The following ZMIZ1 variants were observed in gnomAD, a reference collection of about 807,000 sequenced individuals.
ZMIZ1 encodes zinc finger MIZ domain-containing protein 1.
ZMIZ1 carries 17 observed loss-of-function variants against 113.9 expected under a neutral mutation model. The observed-to-expected ratio is 0.15, with a 90% CI of 0.10 to 0.22. The LOEUF is 0.22. Among genes scored for constraint, ZMIZ1 ranks in the 10% least tolerant of loss-of-function variants. ZMIZ1 has a pLI of 1.00. For missense variants in ZMIZ1, 1,059 were observed against 1,477.8 expected, an observed-to-expected ratio of 0.72 and a Z score of 4.65; for synonymous variants, 607 against 603.1, an observed-to-expected ratio of 1.01 and a Z score of -0.09.
At chr10:79,116,656 G>C (rs1274967631) in intron 1 of ZMIZ1, among the ~76,000 whole-genome samples, 1 of 152,170 alleles carries the variant, frequency 6.6e-6, no homozygotes, top group South Asian at 2.1e-4. Context: ...GGAAAGCCAC[G>C]GAAAGATTTG....
chr10:79,216,561 C>G (rs1198945825), intron 7 of ZMIZ1, among the ~76,000 whole-genome samples: 1 of 152,172 alleles, frequency 6.6e-6, no homozygotes, highest in Non-Finnish European at 1.5e-5. Context: ...GCAGGACCAG[C>G]ATCAGCTCAC....
chr10:79,084,925 C>T (rs114331387), intron 1 of ZMIZ1, among the ~76,000 whole-genome samples: 103 of 152,184 alleles, frequency 6.8e-4, no homozygotes, highest in African/African-American at 2.2e-3. Context: ...TAATCCAGGC[C>T]GGCTCACTCT....
chr10:79,286,738 A>C lies in ZMIZ1; in HGVS notation c.426-3037A>C, dbSNP rs74568524. On this transcript the variant is annotated intron_variant, in intron 8 of 24. Coordinates refer to ENST00000334512, the MANE Select transcript of ZMIZ1 (RefSeq NM_020338.4). ...CAGGAAGGAGCTGGTTTCCGCCCAC[A>C]AGGCTCACCCACGGAGCTGCAGGGC... 1.4e-3 allele frequency among the ~76,000 whole-genome samples: 210 copies of C among 152,352 alleles called. 2 individuals carry two copies. In the East Asian group the frequency reaches 0.034, roughly 24 times the overall value.
chr10:79,212,221 G>T (rs1016650075), intron 6 of ZMIZ1, among the ~76,000 whole-genome samples: 1 of 151,816 alleles, frequency 6.6e-6, no homozygotes, highest in Non-Finnish European at 1.5e-5. Flanking sequence ...GCAGTGGCAC[G>T]ATCATTGCTC....
intron 22 of ZMIZ1, 126 bp downstream of exon 22, chr10:79,306,470 T>A (rs913788774): frequency 1.4e-6 from 2 of 1,455,566 alleles, no homozygotes; most frequent in Non-Finnish European, 1.8e-6. Context: ...AAGTAACACA[T>A]CCCCCAAAAA....
intron 1 of ZMIZ1, among the ~76,000 whole-genome samples, chr10:79,117,057 C>T (rs544113842): frequency 1.3e-4 from 20 of 152,366 alleles, no homozygotes; most frequent in South Asian, 4.1e-4. Context: ...CTCAGTCACA[C>T]GGGCAGTGGG....
intron 11 of ZMIZ1, 21 bp downstream of exon 11, chr10:79,292,377 T>C: frequency 6.3e-7 from 1 of 1,591,012 alleles, no homozygotes; most frequent in African/African-American, 1.3e-5. Flanking sequence ...CCACTAATCC[T>C]GGTCCAGCCT....
At chr10:79,185,895 G>C (rs1305298473) in intron 4 of ZMIZ1, among the ~76,000 whole-genome samples, 2 of 152,112 alleles carry the variant, frequency 1.3e-5, no homozygotes, top group Admixed American at 1.3e-4. Flanking sequence ...TCTGCTCCCT[G>C]TACAGGGAGG....
At chr10:79,309,428 G>A (rs1459685464) in intron 23 of ZMIZ1, among the ~76,000 whole-genome samples, 1 of 152,202 alleles carries the variant, frequency 6.6e-6, no homozygotes, top group Non-Finnish European at 1.5e-5. Context: ...CCCTAAGCTG[G>A]CCTCTCACTG....
In ZMIZ1 at chr10:79,269,456, A is replaced by AACACACACACACACACACACACAC. The variant is rs55634343; in HGVS notation, c.281-7714_281-7691dup. 1.6e-3 allele frequency among the ~76,000 whole-genome samples: 217 copies of AACACACACACACACACACACACAC among 138,556 alleles called. 1 individual carries two copies. The highest frequency in any genetic ancestry group is 2.5e-3 in the African/African-American group (95 of 37,494). The allele number at this position is 138,556 out of a possible 152,430, so 90.9% of individuals were successfully genotyped here. On this transcript the variant is annotated intron_variant, in intron 7 of 24. Coordinates refer to ENST00000334512, the MANE Select transcript of ZMIZ1 (RefSeq NM_020338.4). ...AGCACCCCTCCCAACACCTCCCCCC[A>AACACACACACACACACACACACAC]ACACACACACACACACACACACACA...
intron 1 of ZMIZ1, among the ~76,000 whole-genome samples, chr10:79,088,012 C>T (rs1379714695): frequency 2.0e-5 from 3 of 152,362 alleles, no homozygotes; most frequent in East Asian, 1.9e-4. Flanking sequence ...CATTCCAGTG[C>T]GCTCCCTGCA....
chr10:79,261,368 G>C (rs1851257849), intron 7 of ZMIZ1, among the ~76,000 whole-genome samples: 1 of 152,212 alleles, frequency 6.6e-6, no homozygotes, highest in African/African-American at 2.4e-5. Context: ...AGAAGGCAGA[G>C]AGCTGTTTTC....
chr10:79,072,086 T>G (rs1267266850), intron 1 of ZMIZ1, among the ~76,000 whole-genome samples: 1 of 152,124 alleles, frequency 6.6e-6, no homozygotes, highest in Non-Finnish European at 1.5e-5. Context: ...GCTGGACTTA[T>G]GAATAAATAG....
At chr10:79,159,949 G>A (rs754736525) in intron 3 of ZMIZ1, among the ~76,000 whole-genome samples, 249 of 152,328 alleles carry the variant, frequency 1.6e-3, no homozygotes, top group Non-Finnish European at 2.6e-3. Context: ...ATGGCCCGAC[G>A]CCGTTTCTCC....
intron 7 of ZMIZ1, among the ~76,000 whole-genome samples, chr10:79,229,793 C>T (rs1221550941): frequency 6.6e-6 from 1 of 151,996 alleles, no homozygotes; most frequent in East Asian, 1.9e-4. Context: ...AACACAGAAC[C>T]ACACTGTGGG....
At chr10:79,104,950 G>GGGGGGGTGTGTGTGTGT (rs1190362797) in intron 1 of ZMIZ1, among the ~76,000 whole-genome samples, 3 of 140,092 alleles carry the variant, frequency 2.1e-5, no homozygotes, top group African/African-American at 8.0e-5. Flanking sequence ...GTTGTTGTGG[G>GGGGGGGTGTGTGTGTGT]GTGTGTGTGT....
rs915133905 is a variant in ZMIZ1, at chr10:79,302,006, G to A, written c.2020-101G>A. 111 of 1,206,376 alleles carry A rather than the reference G, an allele frequency of 9.2e-5. 1 individual carries two copies. The highest frequency in any genetic ancestry group is 6.1e-4 in the South Asian group (48 of 78,546). 74.7% of individuals were successfully genotyped at this position (1,206,376 alleles called of 1,614,324 possible). ...ACACCCTGGGGGAGCCTCCTGGGCC[G>A]GCTGTGGGATCCTGGGAGCAGTCTA... On this transcript the variant is annotated intron_variant, in intron 17 of 24. Coordinates refer to ENST00000334512, the MANE Select transcript of ZMIZ1 (RefSeq NM_020338.4).
intron 7 of ZMIZ1, among the ~76,000 whole-genome samples, chr10:79,217,202 T>TC (rs1428598943): frequency 6.6e-5 from 10 of 152,162 alleles, no homozygotes; most frequent in Non-Finnish European, 1.3e-4. Flanking sequence ...GGCGAGCAGA[T>TC]CACGAGGTCA....
intron 7 of ZMIZ1, among the ~76,000 whole-genome samples, chr10:79,274,308 G>A (rs1438991312): frequency 1.3e-5 from 2 of 152,214 alleles, no homozygotes; most frequent in Non-Finnish European, 2.9e-5. Context: ...CCAAAGGCAC[G>A]CAGGTCAAAG....
Sources: gnomAD v4.1 joint callset for allele counts (sites outside exome capture counted in the v4.1 genomes callset) on GRCh38, gnomAD v4.1.1 for gene constraint, MANE v1.5 for transcripts, NCBI Gene and HGNC (gene_info 2026-07-23, HGNC 2026-07-21) for gene names.